PICALM: variants seen among roughly 807,000 people sequenced by gnomAD.
PICALM encodes the protein phosphatidylinositol-binding clathrin assembly protein.
In PICALM, 40 loss-of-function variants were observed where a neutral mutation model predicts 80.5. The observed-to-expected ratio is 0.50, with a 90% CI of 0.39 to 0.65. The LOEUF is 0.65. Among genes scored for constraint, PICALM ranks in the 30% least tolerant of loss-of-function variants. The pLI is 0.00. For missense variants in PICALM, 676 were observed against 778.9 expected (o/e 0.87, Z 1.57); for synonymous variants, 288 against 260.3 (o/e 1.11, Z -1.02).
At chr11:85,993,673 A>G (rs2094866641) in intron 12 of PICALM, among the ~76,000 whole-genome samples, 1 of 152,042 alleles carries the variant, frequency 6.6e-6, no homozygotes, top group African/African-American at 2.4e-5. Context: ...TCCTGACGTC[A>G]AATGATCCAC....
At chr11:86,058,957 T>C (rs2096311730) in intron 1 of PICALM, among the ~76,000 whole-genome samples, 1 of 152,230 alleles carries the variant, frequency 6.6e-6, no homozygotes, top group African/African-American at 2.4e-5. Context: ...AGTGTTCAAC[T>C]GGAGCAGCTA....
chr11:86,031,959 T>C (rs900456203), intron 1 of PICALM, among the ~76,000 whole-genome samples: 1 of 152,218 alleles, frequency 6.6e-6, no homozygotes, highest in Non-Finnish European at 1.5e-5. Flanking sequence ...ATTAAAATAC[T>C]GGTATTATTC....
At chr11:86,040,641 T>C (rs1197779817) in intron 1 of PICALM, among the ~76,000 whole-genome samples, 3 of 152,228 alleles carry the variant, frequency 2.0e-5, no homozygotes, top group Non-Finnish European at 4.4e-5. Context: ...GGGCTGTCAA[T>C]GTCTCTGGGA....
At chr11:86,065,120 T>C (rs1371260240) in intron 1 of PICALM, among the ~76,000 whole-genome samples, 1 of 151,692 alleles carries the variant, frequency 6.6e-6, no homozygotes, top group Non-Finnish European at 1.5e-5. Context: ...TAAGATCAGA[T>C]AAAAATGATT....
At chr11:85,998,313 G>A (rs891709167) in intron 11 of PICALM, among the ~76,000 whole-genome samples, 20 of 147,508 alleles carry the variant, frequency 1.4e-4, no homozygotes, top group Non-Finnish European at 2.2e-4. Context: ...GGCTTTCACC[G>A]TGTTAGCCAG....
At chr11:85,984,634 T>A (rs573943267) in intron 13 of PICALM, among the ~76,000 whole-genome samples, 2 of 152,282 alleles carry the variant, frequency 1.3e-5, no homozygotes, top group Non-Finnish European at 1.5e-5. Flanking sequence ...ACAGTGGGGA[T>A]GACAAGCACA....
intron 1 of PICALM, among the ~76,000 whole-genome samples, chr11:86,032,548 C>T (rs1316591939): frequency 1.3e-5 from 2 of 152,068 alleles, no homozygotes; most frequent in African/African-American, 4.8e-5. Flanking sequence ...ATTGCTTGAA[C>T]CTGGGAGGCG....
chr11:85,960,612 T>C (rs1391936614), intron 19 of PICALM: 2 of 662,582 alleles, frequency 3.0e-6, no homozygotes, highest in Non-Finnish European at 4.9e-6. Flanking sequence ...GTGAATTGTG[T>C]TTAATGTTTG....
intron 1 of PICALM, among the ~76,000 whole-genome samples, chr11:86,054,818 C>A (rs2096245114): frequency 6.6e-6 from 1 of 152,022 alleles, no homozygotes; most frequent in Non-Finnish European, 1.5e-5. Context: ...TCTTGTTGCT[C>A]AGGCTGTGGG....
At position 86,035,956 on chromosome 11, in the gene PICALM, AAAAAAAAAAG is replaced by A. The variant is rs759620407; in HGVS notation, c.131-4355_131-4346del. 1.5e-3 allele frequency among the ~76,000 whole-genome samples: 221 copies of A among 151,166 alleles called. 1 individual carries two copies. The East Asian group carries it at 0.036, about 25-fold the overall frequency. ...GAGCGAGACTCTGCCTCAAAAAAAA[AAAAAAAAAAG>A]AAAAAAAAAGAAAATTGGAGATAAA... On this transcript the variant is annotated intron_variant, in intron 1 of 19. Coordinates refer to ENST00000393346, the MANE Select transcript of PICALM (RefSeq NM_007166.4).
intron 1 of PICALM, among the ~76,000 whole-genome samples, chr11:86,035,861 T>C (rs894135443): frequency 6.7e-6 from 1 of 150,308 alleles, no homozygotes; most frequent in Non-Finnish European, 1.5e-5. Context: ...GGCAGCAGAA[T>C]TGCTTGAGTC....
chr11:86,044,076 T>C (rs1222325193), intron 1 of PICALM, among the ~76,000 whole-genome samples: 2 of 152,242 alleles, frequency 1.3e-5, no homozygotes, highest in Non-Finnish European at 2.9e-5. Context: ...TCTTAGGAGT[T>C]AGAAATATAC....
intron 1 of PICALM, among the ~76,000 whole-genome samples, chr11:86,032,984 G>A (rs1216578175): frequency 6.6e-6 from 1 of 152,098 alleles, no homozygotes; most frequent in Non-Finnish European, 1.5e-5. Flanking sequence ...ACTGCTTAAA[G>A]AACAAAGAAC....
intron 7 of PICALM, among the ~76,000 whole-genome samples, chr11:86,009,140 A>C (rs1431965451): frequency 1.3e-5 from 2 of 150,868 alleles, no homozygotes; most frequent in Non-Finnish European, 3.0e-5. Flanking sequence ...CCTCATCTCT[A>C]AAATTAGCTG....
At chr11:86,016,945 G>A (rs1285306257) in intron 4 of PICALM, among the ~76,000 whole-genome samples, 1 of 152,162 alleles carries the variant, frequency 6.6e-6, no homozygotes, top group African/African-American at 2.4e-5. Context: ...GCTAAGGCTG[G>A]GCGCGTTGGC....
At chr11:86,057,820 G>A (rs1017384089) in intron 1 of PICALM, among the ~76,000 whole-genome samples, 1 of 152,150 alleles carries the variant, frequency 6.6e-6, no homozygotes, top group Non-Finnish European at 1.5e-5. Context: ...GTATTCAGGA[G>A]ATGTGCATAG....
At chr11:85,971,504 G>A (rs761068875) in intron 19 of PICALM, among the ~76,000 whole-genome samples, 9 of 151,868 alleles carry the variant, frequency 5.9e-5, no homozygotes, top group Non-Finnish European at 1.3e-4. Flanking sequence ...GGGAGGCCGA[G>A]GCAGATGAAC....
intron 17 of PICALM, chr11:85,978,280 G>A: frequency 3.9e-6 from 2 of 508,882 alleles, no homozygotes; most frequent in Non-Finnish European, 7.1e-6. Context: ...GGTTGACAAG[G>A]GAATTGTAGT....
chr11:86,007,486 C>A (rs2095302976), intron 8 of PICALM, 56 bp downstream of exon 8: 5 of 980,314 alleles, frequency 5.1e-6, no homozygotes, highest in South Asian at 1.3e-5. Context: ...TATCTTAATA[C>A]TCTTCACAAC....
Sources: gnomAD v4.1 joint callset for allele counts (sites outside exome capture counted in the v4.1 genomes callset) on GRCh38, gnomAD v4.1.1 for gene constraint, MANE v1.5 for transcripts, NCBI Gene and HGNC (gene_info 2026-07-23, HGNC 2026-07-21) for gene names.